The following WNT7A variants were observed in gnomAD, a reference collection of about 807,000 sequenced individuals.
The protein encoded by WNT7A is protein Wnt-7a.
WNT7A carries 16 observed loss-of-function variants against 28.2 expected under a neutral mutation model. The ratio of observed to expected loss-of-function variants is 0.57; its 90% CI spans 0.38 to 0.86. The LOEUF is 0.86. Among genes scored for constraint, WNT7A ranks in the 40% least tolerant of loss-of-function variants. The pLI is 0.00. For missense variants in WNT7A, 411 were observed against 489.7 expected (o/e 0.84, Z 1.52); for synonymous variants, 190 against 195.9 (o/e 0.97, Z 0.25).
At chr3:13,864,955 C>T (rs202201534) in intron 2 of WNT7A, among the ~76,000 whole-genome samples, 6 of 152,166 alleles carry the variant, frequency 3.9e-5, no homozygotes, top group African/African-American at 7.2e-5. Flanking sequence ...ATGTCCGAAG[C>T]GAGGATGTGC....
intron 2 of WNT7A, among the ~76,000 whole-genome samples, chr3:13,871,635 G>A (rs1695026959): frequency 6.6e-6 from 1 of 151,784 alleles, no homozygotes; most frequent in Admixed American, 6.6e-5. Context: ...CCCTTAGTTT[G>A]TCACTCTCCC....
intron 1 of WNT7A, 112 bp downstream of exon 1, chr3:13,879,634 T>C: frequency 1.6e-6 from 2 of 1,241,204 alleles, no homozygotes; most frequent in Non-Finnish European, 2.3e-6. Flanking sequence ...ACCCGGCCTC[T>C]CAGAGAAGCT....
intron 3 of WNT7A, among the ~76,000 whole-genome samples, chr3:13,834,420 C>T (rs945760821): frequency 6.6e-6 from 1 of 152,006 alleles, no homozygotes; most frequent in Non-Finnish European, 1.5e-5. Context: ...CGCTGTGGGT[C>T]AGGTGCACGC....
intron 3 of WNT7A, among the ~76,000 whole-genome samples, chr3:13,826,442 C>T (rs562282680): frequency 6.6e-6 from 1 of 152,088 alleles, no homozygotes; most frequent in East Asian, 1.9e-4. Flanking sequence ...TTAGAACTGG[C>T]CAAACTCAGG....
chr3:13,838,380 G>A (rs749040684), intron 3 of WNT7A, among the ~76,000 whole-genome samples: 1 of 152,170 alleles, frequency 6.6e-6, no homozygotes, highest in African/African-American at 2.4e-5. Context: ...CTGAAACCAC[G>A]GTGTGCGGAA....
intron 3 of WNT7A, among the ~76,000 whole-genome samples, chr3:13,823,577 C>T (rs866396666): frequency 2.0e-5 from 3 of 152,242 alleles, no homozygotes; most frequent in South Asian, 2.1e-4. Flanking sequence ...GGGGGACAAT[C>T]AAGGGGCTTG....
intron 3 of WNT7A, among the ~76,000 whole-genome samples, chr3:13,820,727 C>T (rs1694094005): frequency 6.6e-6 from 1 of 152,142 alleles, no homozygotes; most frequent in Admixed American, 6.5e-5. Flanking sequence ...AGAATTGGGT[C>T]CATGTTCAGG....
At chr3:13,846,233 G>A (rs935951157) in intron 3 of WNT7A, among the ~76,000 whole-genome samples, 16 of 152,252 alleles carry the variant, frequency 1.1e-4, no homozygotes, top group Admixed American at 5.9e-4. Context: ...TCTAGGGGCC[G>A]AGGACTGTAG....
chr3:13,864,487 C>A (rs1488270028), intron 2 of WNT7A, among the ~76,000 whole-genome samples: 2 of 152,168 alleles, frequency 1.3e-5, no homozygotes, highest in Non-Finnish European at 2.9e-5. Context: ...TCAGGTGACC[C>A]ATGTGGGCAG....
At chr3:13,877,466 C>A (rs374668180) in intron 1 of WNT7A, among the ~76,000 whole-genome samples, 14 of 152,236 alleles carry the variant, frequency 9.2e-5, no homozygotes, top group African/African-American at 3.4e-4. Flanking sequence ...GTCAGGAGGA[C>A]CCTCTGAGCA....
chr3:13,872,878 C>A (rs1260144882), intron 2 of WNT7A, among the ~76,000 whole-genome samples: 1 of 152,170 alleles, frequency 6.6e-6, no homozygotes, highest in Non-Finnish European at 1.5e-5. Flanking sequence ...TCCTGAGAGG[C>A]CCTGCCACTC....
chr3:13,874,728 G>T (rs542070842), intron 2 of WNT7A, among the ~76,000 whole-genome samples: 22 of 115,468 alleles, frequency 1.9e-4, no homozygotes, highest in Non-Finnish European at 3.2e-4. Flanking sequence ...ACTGGTTGCT[G>T]GTTTGCACCT....
chr3:13,852,795 G>C (rs1012814186), intron 3 of WNT7A, among the ~76,000 whole-genome samples: 4 of 152,168 alleles, frequency 2.6e-5, no homozygotes, highest in Non-Finnish European at 5.9e-5. Context: ...ACAAAGGGGC[G>C]GGACGGGTGT....
At position 13,879,767 on chromosome 3, in the gene WNT7A, CCCAGG is replaced by C; in HGVS notation, c.45_49del (p.Ser15ArgfsTer23). The C allele has an allele frequency of 1.2e-6, 2 of 1,612,650 alleles. No individual in the cohort carries two copies. The highest frequency in any genetic ancestry group is 1.7e-6 in the Non-Finnish European group (2 of 1,179,202). ...TTACCCGATCCGGAGGTAGACCATG[CCCAGG>C]CTGAGAAAGAGGTGGCCCAGGCAGC... On this transcript the variant is annotated frameshift_variant, in exon 1 of 4. Transcript: ENST00000285018. LOFTEE classifies it high-confidence loss of function.
At chr3:13,843,114 C>T (rs1301621204) in intron 3 of WNT7A, among the ~76,000 whole-genome samples, 1 of 152,176 alleles carries the variant, frequency 6.6e-6, no homozygotes, top group Non-Finnish European at 1.5e-5. Flanking sequence ...CTGGACCGCT[C>T]CTTCTCTTGA....
chr3:13,852,361 G>C (rs1020212790), intron 3 of WNT7A, among the ~76,000 whole-genome samples: 37 of 152,370 alleles, frequency 2.4e-4, no homozygotes, highest in African/African-American at 8.7e-4. Context: ...AGGAGCAGCA[G>C]TAGGCTGGCC....
intron 2 of WNT7A, among the ~76,000 whole-genome samples, chr3:13,869,502 A>G (rs1694994739): frequency 1.3e-5 from 2 of 148,634 alleles, no homozygotes; most frequent in African/African-American, 4.9e-5. Context: ...AGGGAAAGAG[A>G]GAGGAAGGGA....
intron 3 of WNT7A, among the ~76,000 whole-genome samples, chr3:13,852,505 A>G (rs1694654306): frequency 1.3e-5 from 2 of 152,132 alleles, no homozygotes; most frequent in South Asian, 2.1e-4. Context: ...ACTGACTGGC[A>G]CCGGTCGGAA....
At chr3:13,835,809 T>C (rs143539758) in intron 3 of WNT7A, among the ~76,000 whole-genome samples, 122 of 152,372 alleles carry the variant, frequency 8.0e-4, no homozygotes, top group African/African-American at 2.8e-3. Flanking sequence ...AACACAATGT[T>C]GTCTTTCCAT....
Sources: allele counts gnomAD v4.1 joint callset (sites outside exome capture counted in the v4.1 genomes callset), GRCh38; gene constraint gnomAD v4.1.1; transcripts MANE v1.5; gene names NCBI Gene and HGNC (gene_info 2026-07-23, HGNC 2026-07-21).